ZRANB3: variants seen among roughly 807,000 people sequenced by gnomAD.
The protein encoded by ZRANB3 is zinc finger RANBP2-type containing 3, also known as DNA annealing helicase and endonuclease ZRANB3.
A neutral mutation model predicts 133.8 loss-of-function variants in ZRANB3; 125 were observed. That is an observed-to-expected ratio of 0.93 (90% CI 0.81 to 1.08). ZRANB3 has a LOEUF of 1.08. Among genes scored for constraint, ZRANB3 ranks in the 50% least tolerant of loss-of-function variants. The pLI is 0.00. For missense variants in ZRANB3, 1,229 were observed against 1,275.5 expected (o/e 0.96, Z 0.56); for synonymous variants, 387 against 432.7 (o/e 0.89, Z 1.31).
intron 2 of ZRANB3, among the ~76,000 whole-genome samples, chr2:135,500,756 T>TAAAAAAAAAAAAAAA (rs760594100): frequency 5.4e-5 from 4 of 73,660 alleles, no homozygotes; most frequent in Non-Finnish European, 8.6e-5. Flanking sequence ...TACATATCAG[T>TAAAAAAAAAAAAAAA]AAAAAAAAAA....
intron 6 of ZRANB3, among the ~76,000 whole-genome samples, chr2:135,342,571 A>C (rs1684724051): frequency 6.7e-6 from 1 of 149,638 alleles, no homozygotes; most frequent in Non-Finnish European, 1.5e-5. Flanking sequence ...TGGCCTTCCA[A>C]AGTGCTGGGA....
chr2:135,386,234 T>C (rs1268145947), intron 3 of ZRANB3, among the ~76,000 whole-genome samples: 2 of 152,042 alleles, frequency 1.3e-5, no homozygotes, highest in Non-Finnish European at 2.9e-5. Flanking sequence ...AAAAGACACA[T>C]GAAAAAATGC....
At chr2:135,498,360 G>T (rs1029801784) in intron 2 of ZRANB3, among the ~76,000 whole-genome samples, 1 of 152,106 alleles carries the variant, frequency 6.6e-6, no homozygotes, top group Admixed American at 6.5e-5. Context: ...TCTTATACCT[G>T]TCTTTACTGC....
At chr2:135,261,998 A>C (rs531045721) in intron 12 of ZRANB3, among the ~76,000 whole-genome samples, 4 of 152,040 alleles carry the variant, frequency 2.6e-5, no homozygotes, top group Non-Finnish European at 5.9e-5. Flanking sequence ...CGTCTTTAAT[A>C]AAATACAAAA....
At chr2:135,244,544 G>T (rs1695702032) in intron 12 of ZRANB3, among the ~76,000 whole-genome samples, 1 of 152,070 alleles carries the variant, frequency 6.6e-6, no homozygotes, top group Non-Finnish European at 1.5e-5. Context: ...GGAAGTGGAG[G>T]TTGCAGTGAG....
intron 1 of ZRANB3, among the ~76,000 whole-genome samples, chr2:135,513,784 C>T (rs921478340): frequency 1.3e-5 from 2 of 152,124 alleles, no homozygotes; most frequent in Non-Finnish European, 2.9e-5. Flanking sequence ...TTTAATCCAT[C>T]TTGAGTTAAT....
chr2:135,251,448 G>A (rs952343817), intron 12 of ZRANB3, among the ~76,000 whole-genome samples: 64 of 152,180 alleles, frequency 4.2e-4, no homozygotes, highest in Middle Eastern at 3.4e-3. Flanking sequence ...GGCCAGGGGC[G>A]GAATGATATA....
intron 8 of ZRANB3, among the ~76,000 whole-genome samples, chr2:135,279,463 CTT>C (rs916050843): frequency 3.9e-5 from 6 of 152,194 alleles, no homozygotes; most frequent in African/African-American, 1.4e-4. Flanking sequence ...AACTGAACCA[CTT>C]TAATAAAGTG....
chr2:135,314,836 C>T (rs1478687050), intron 7 of ZRANB3, among the ~76,000 whole-genome samples: 2 of 151,788 alleles, frequency 1.3e-5, no homozygotes, highest in Non-Finnish European at 2.9e-5. Context: ...GCAACCTCTG[C>T]CTCCTGGGTT....
At chr2:135,252,046 G>GAAAC (rs1389220981) in intron 12 of ZRANB3, among the ~76,000 whole-genome samples, 4 of 152,022 alleles carry the variant, frequency 2.6e-5, no homozygotes, top group Non-Finnish European at 4.4e-5. Flanking sequence ...AAAAACAAAA[G>GAAAC]AAACAAACAA....
At chr2:135,323,325 A>AG (rs1213289768) in intron 6 of ZRANB3, among the ~76,000 whole-genome samples, 1 of 152,212 alleles carries the variant, frequency 6.6e-6, no homozygotes, top group East Asian at 1.9e-4. Context: ...TTATCATCCA[A>AG]GAAGAATATT....
At chr2:135,266,911 CTCTT>C (rs1271286431) in intron 11 of ZRANB3, among the ~76,000 whole-genome samples, 6 of 152,172 alleles carry the variant, frequency 3.9e-5, no homozygotes, top group Admixed American at 1.3e-4. Flanking sequence ...TTCAGATAAA[CTCTT>C]TCAACCAACT....
At chr2:135,457,284 C>T (rs752469105) in intron 2 of ZRANB3, among the ~76,000 whole-genome samples, 1 of 152,130 alleles carries the variant, frequency 6.6e-6, no homozygotes, top group Non-Finnish European at 1.5e-5. Flanking sequence ...GTTTTTGTCA[C>T]CATATATTCT....
intron 2 of ZRANB3, among the ~76,000 whole-genome samples, chr2:135,413,793 G>T (rs1283647764): frequency 6.6e-6 from 1 of 152,028 alleles, no homozygotes; most frequent in African/African-American, 2.4e-5. Context: ...GAGAGTGGGG[G>T]CCAATATTCA....
rs758544825 is a variant in ZRANB3, at chr2:135,265,506, T to C, written c.1539+28A>G. The stretch of plus-strand genomic sequence containing the variant: ...TATAGTTTCAGGATACTAAAAAAAA[T>C]AGAAAAGAGTAAGGCATATAATCTT... On this transcript the variant is annotated intron_variant, in intron 12 of 20. Coordinates refer to ENST00000264159, the MANE Select transcript of ZRANB3 (RefSeq NM_032143.4). 11 of 1,554,776 alleles carry C rather than the reference T, an allele frequency of 7.1e-6. No homozygotes were observed. In the Admixed American group the frequency reaches 8.0e-5, roughly 11 times the overall value.
intron 1 of ZRANB3, among the ~76,000 whole-genome samples, chr2:135,504,766 C>A (rs925482062): frequency 6.6e-6 from 1 of 151,916 alleles, no homozygotes; most frequent in Non-Finnish European, 1.5e-5. Flanking sequence ...AGTTTAACAC[C>A]ACAAATTTAT....
chr2:135,299,966 T>C (rs571285690), intron 8 of ZRANB3, among the ~76,000 whole-genome samples: 1 of 152,296 alleles, frequency 6.6e-6, no homozygotes, highest in South Asian at 2.1e-4. Context: ...CTTGAAGATC[T>C]ATAAAATTAG....
chr2:135,242,089 G>T (rs917100369), intron 12 of ZRANB3, among the ~76,000 whole-genome samples: 1 of 152,042 alleles, frequency 6.6e-6, no homozygotes, highest in African/African-American at 2.4e-5. Context: ...TGAGGCACGA[G>T]AATCGCTTGA....
chr2:135,293,095 T>C (rs1464902702), intron 8 of ZRANB3, among the ~76,000 whole-genome samples: 3 of 152,130 alleles, frequency 2.0e-5, no homozygotes, highest in Non-Finnish European at 2.9e-5. Flanking sequence ...TTTGGTTCCA[T>C]ATGAACTTTA....
Sources: allele counts gnomAD v4.1 joint callset (sites outside exome capture counted in the v4.1 genomes callset), GRCh38; gene constraint gnomAD v4.1.1; transcripts MANE v1.5; gene names NCBI Gene and HGNC (gene_info 2026-07-23, HGNC 2026-07-21).